The following RARB variants were observed in gnomAD, a reference collection of about 807,000 sequenced individuals.
RARB encodes HBV-activated protein.
Under a neutral mutation model 51.9 loss-of-function variants are expected in RARB, and 17 were observed. That is an observed-to-expected ratio of 0.33 (90% CI 0.22 to 0.49). RARB has a LOEUF of 0.49. Ranked by LOEUF, RARB falls within the 20% of genes least tolerant of loss-of-function variation. The probability of loss-of-function intolerance (pLI) is 0.99; values close to 1 mark genes in which losing one functional copy is unlikely to be tolerated. For synonymous variants in RARB, 215 were observed against 195.4 expected (o/e 1.10, Z -0.84); for missense variants, 369 against 550.8 (o/e 0.67, Z 3.30).
At chr3:25,195,267 A>G (rs903774169) in intron 5 of RARB, among the ~76,000 whole-genome samples, 1 of 151,990 alleles carries the variant, frequency 6.6e-6, no homozygotes, top group Non-Finnish European at 1.5e-5. Flanking sequence ...ACCCAGGCCT[A>G]GACTTAAAAT....
chr3:25,377,339 CCTTTA>C (rs1052306054), intron 5 of RARB, among the ~76,000 whole-genome samples: 79 of 152,238 alleles, frequency 5.2e-4, no homozygotes, highest in African/African-American at 1.8e-3. Context: ...TTGCTTTTGT[CCTTTA>C]CAAGGCAGAC....
chr3:25,525,290 G>T (rs189419697), intron 3 of RARB, among the ~76,000 whole-genome samples: 71 of 152,246 alleles, frequency 4.7e-4, no homozygotes, highest in South Asian at 1.5e-3. Context: ...ATGAAAGTGT[G>T]GTGTCATTTT....
intron 5 of RARB, among the ~76,000 whole-genome samples, chr3:25,364,341 A>C (rs1706046409): frequency 6.6e-6 from 1 of 152,180 alleles, no homozygotes; most frequent in Non-Finnish European, 1.5e-5. Flanking sequence ...TGGAGGTGGT[A>C]AGCAATTTTT....
intron 5 of RARB, among the ~76,000 whole-genome samples, chr3:25,328,205 T>A (rs1316483685): frequency 6.6e-6 from 1 of 152,248 alleles, no homozygotes; most frequent in Admixed American, 6.5e-5. Context: ...GAGATCAGGA[T>A]AAACGGATGA....
chr3:25,494,811 T>G (rs1200948100), intron 2 of RARB, among the ~76,000 whole-genome samples: 1 of 152,210 alleles, frequency 6.6e-6, no homozygotes, highest in African/African-American at 2.4e-5. Flanking sequence ...TTGGGGATCT[T>G]TATTTTAAAC....
intron 2 of RARB, among the ~76,000 whole-genome samples, chr3:25,489,739 C>T (rs938480676): frequency 2.0e-5 from 3 of 152,220 alleles, no homozygotes; most frequent in African/African-American, 7.2e-5. Flanking sequence ...AGGGAAAGGA[C>T]TTTCAAGTCC....
intron 2 of RARB, among the ~76,000 whole-genome samples, chr3:24,959,464 C>T (rs993251866): frequency 3.9e-5 from 6 of 152,102 alleles, no homozygotes; most frequent in African/African-American, 1.2e-4. Flanking sequence ...CTCCCCTTCT[C>T]TGCTCTCTGC....
intron 5 of RARB, among the ~76,000 whole-genome samples, chr3:25,381,613 CAG>C (rs1706627707): frequency 6.6e-6 from 1 of 152,178 alleles, no homozygotes; most frequent in Non-Finnish European, 1.5e-5. Context: ...TTTAAGGAAA[CAG>C]ATGTTTTGAG....
At chr3:25,111,325 G>A (rs896964251) in intron 3 of RARB, among the ~76,000 whole-genome samples, 3 of 152,078 alleles carry the variant, frequency 2.0e-5, no homozygotes, top group Non-Finnish European at 4.4e-5. Context: ...CTATTCTTAA[G>A]TTCTCTGCCA....
chr3:25,318,392 A>C (rs1020079405), intron 5 of RARB, among the ~76,000 whole-genome samples: 6 of 152,224 alleles, frequency 3.9e-5, no homozygotes, highest in African/African-American at 1.4e-4. Context: ...AATGTAAAAT[A>C]AATGACTATA....
chr3:25,224,698 C>T (rs142259396), intron 5 of RARB, among the ~76,000 whole-genome samples: 1 of 152,110 alleles, frequency 6.6e-6, no homozygotes, highest in Non-Finnish European at 1.5e-5. Context: ...ACCTCAACCT[C>T]CTGGGCTCAA....
chr3:25,227,656 T>C (rs990280252), intron 5 of RARB, among the ~76,000 whole-genome samples: 1 of 152,288 alleles, frequency 6.6e-6, no homozygotes, highest in African/African-American at 2.4e-5. Flanking sequence ...TATTATTACA[T>C]TGGCATTATG....
intron 3 of RARB, among the ~76,000 whole-genome samples, chr3:25,503,056 G>A (rs1283320423): frequency 1.3e-5 from 2 of 151,992 alleles, no homozygotes; most frequent in Non-Finnish European, 2.9e-5. Context: ...ATTCCTTCTG[G>A]GAAGCTCTTT....
At chr3:25,016,895 C>T (rs2125282702) in intron 2 of RARB, among the ~76,000 whole-genome samples, 1 of 152,224 alleles carries the variant, frequency 6.6e-6, no homozygotes, top group African/African-American at 2.4e-5. Context: ...ATACTATCCC[C>T]TTAGATCCTC....
At chr3:25,316,776 T>A (rs1047441277) in intron 5 of RARB, among the ~76,000 whole-genome samples, 1 of 152,206 alleles carries the variant, frequency 6.6e-6, no homozygotes, top group Non-Finnish European at 1.5e-5. Flanking sequence ...TCTACTTCTT[T>A]AAATTTTTGT....
rs17016408 is a variant in RARB at position 25,422,351 on chromosome 3, G to T, written c.179-38842G>T. On this transcript the variant is annotated intron_variant, in intron 5 of 11. Transcript: ENST00000383772. ...GTGGCACATCTAATCTTAGCTTATTGGAAGATGTATTGAGATGAGACAAAA... is the reference window on the plus strand; with the variant it reads ...GTGGCACATCTAATCTTAGCTTATTTGAAGATGTATTGAGATGAGACAAAA... Among the ~76,000 whole-genome samples, 12 of 152,220 alleles carry T rather than the reference G, an allele frequency of 7.9e-5. 1 individual carries two copies. The South Asian group carries it at 2.5e-3, about 32-fold the overall frequency.
At chr3:24,936,590 G>A (rs552244650) in intron 2 of RARB, among the ~76,000 whole-genome samples, 55 of 152,154 alleles carry the variant, frequency 3.6e-4, no homozygotes, top group African/African-American at 1.3e-3. Context: ...TGAGAAAGAG[G>A]GAAAGAAAAT....
chr3:24,865,437 T>C (rs1047964236), intron 2 of RARB, among the ~76,000 whole-genome samples: 6 of 152,112 alleles, frequency 3.9e-5, no homozygotes, highest in Admixed American at 3.3e-4. Flanking sequence ...CAATACCCAG[T>C]GTAGTAGAAA....
chr3:25,571,893 G>GA (rs1430760707), intron 4 of RARB, among the ~76,000 whole-genome samples: 3 of 152,196 alleles, frequency 2.0e-5, no homozygotes, highest in Admixed American at 2.0e-4. Context: ...CCTTCTACTG[G>GA]ATACTAACTG....
Sources: allele counts gnomAD v4.1 joint callset (sites outside exome capture counted in the v4.1 genomes callset), GRCh38; gene constraint gnomAD v4.1.1; transcripts MANE v1.5; gene names NCBI Gene and HGNC (gene_info 2026-07-23, HGNC 2026-07-21).